Variants in NUP205 observed in about 807,000 individuals in gnomAD.
NUP205 encodes nuclear pore complex protein Nup205.
Under a neutral mutation model 253.8 loss-of-function variants are expected in NUP205, and 76 were observed. That is an observed-to-expected ratio of 0.30 (90% confidence interval 0.25 to 0.36). The LOEUF (loss-of-function observed/expected upper bound fraction) is 0.36, where lower values mean the gene tolerates loss of function less well. NUP205 is among the 10% of genes least tolerant of loss of function. The pLI, the probability that NUP205 is intolerant of heterozygous loss-of-function variation, is 1.00. For missense variants in NUP205, 2,162 were observed against 2,425.5 expected, an observed-to-expected ratio of 0.89 and a Z score of 2.28; for synonymous variants, 832 against 850.1, an observed-to-expected ratio of 0.98 and a Z score of 0.37.
intron 34 of NUP205, among the ~76,000 whole-genome samples, chr7:135,629,527 C>G (rs1224423935): frequency 7.5e-6 from 1 of 132,498 alleles, no homozygotes; most frequent in African/African-American, 2.8e-5. Flanking sequence ...CTCTCTGTCT[C>G]TCTTTTTTTT....
At chr7:135,564,686 C>T (rs2129489506) in intron 1 of NUP205, among the ~76,000 whole-genome samples, 1 of 152,086 alleles carries the variant, frequency 6.6e-6, no homozygotes, top group East Asian at 1.9e-4. Flanking sequence ...TGCGAGCCAC[C>T]TTGCCTGGCC....
At chr7:135,624,278 T>C (rs1165719707) in intron 31 of NUP205, among the ~76,000 whole-genome samples, 1 of 152,054 alleles carries the variant, frequency 6.6e-6, no homozygotes, top group Non-Finnish European at 1.5e-5. Flanking sequence ...CTCGGCTCAC[T>C]GCAACCTCTG....
In NUP205 at chr7:135,638,618, A is replaced by C. The variant is rs780657007; in HGVS notation, c.5327A>C (p.Gln1776Pro). The C allele has an allele frequency of 1.9e-6, 3 of 1,613,878 alleles. No individual in the cohort carries two copies. In the South Asian group the frequency reaches 3.3e-5, roughly 18 times the overall value. The change falls in exon 38 of 43, where the codon CAG becomes CCG. Residue 1776 changes from glutamine to proline, a missense_variant. Gln to Pro is a moderately conservative substitution (Grantham distance 76, BLOSUM62 -1). Around this residue, in one of 5 missense-constraint regions of NUP205, gnomAD observed 1,144 missense variants for 1,280.9 expected, o/e 0.89. Coordinates refer to ENST00000285968, the MANE Select transcript of NUP205 (RefSeq NM_015135.3). ...ATGTTACAGAGTTCCCCTACCTTCC[A>C]GCATGCTGTGTGTCTCTTCACTCCT... ...SLMLQSSPTF[Q>P]HAVCLFTPSL...
chr7:135,606,052 T>G (rs2129490696), intron 19 of NUP205, 93 bp from the exon 20 acceptor site: 1 of 854,454 alleles, frequency 1.2e-6, no homozygotes, highest in South Asian at 1.6e-5. Context: ...CTATTTTTCC[T>G]TATGGATGAA....
At chr7:135,619,956 T>C (rs1238024026) in intron 30 of NUP205, 68 bp downstream of exon 30, 3 of 997,358 alleles carry the variant, frequency 3.0e-6, no homozygotes, top group Non-Finnish European at 4.6e-6. Context: ...AAAAAAAAAA[T>C]CACTTCTCCA....
chr7:135,638,796 G>A lies in NUP205; in HGVS notation c.5392+113G>A, dbSNP rs1794865432. On this transcript the variant is annotated intron_variant, in intron 38 of 42. Coordinates refer to ENST00000285968, the MANE Select transcript of NUP205 (RefSeq NM_015135.3). ...TATTTTCTTTTAAGTGTCATTAATG[G>A]GAAACATTTTAAATAAGTTTTAAAG... The A allele has an allele frequency of 2.8e-6, 3 of 1,067,728 alleles. No homozygotes were observed. In the Admixed American group the frequency reaches 6.1e-5, roughly 22 times the overall value. 66.1% of individuals were successfully genotyped at this position (1,067,728 alleles called of 1,614,324 possible).
intron 34 of NUP205, 28 bp downstream of exon 34, chr7:135,628,139 G>T: frequency 6.3e-7 from 1 of 1,590,090 alleles, no homozygotes; most frequent in Non-Finnish European, 8.6e-7. Context: ...TTTAGATATT[G>T]TCTAGAGCAA....
chr7:135,590,676 G>A (rs1054688008), intron 10 of NUP205, among the ~76,000 whole-genome samples: 19 of 151,978 alleles, frequency 1.3e-4, no homozygotes, highest in Non-Finnish European at 2.2e-4. Flanking sequence ...GGGACTACAG[G>A]TGTGTGCCAC....
chr7:135,626,250 C>T lies in NUP205; in HGVS notation c.4682C>T (p.Thr1561Ile), dbSNP rs1308967613. 4.3e-6 allele frequency: 7 copies of T among 1,613,994 alleles called. No homozygotes were observed. The highest frequency in any genetic ancestry group is 5.9e-6 in the Non-Finnish European group (7 of 1,180,006). Residue 1561 changes from threonine to isoleucine, a missense_variant, in exon 33 of 43, where the codon ACA becomes ATA. Coordinates refer to ENST00000285968, the MANE Select transcript of NUP205 (RefSeq NM_015135.3). The part of the protein sequence containing the change: ...YTYESKMAFL[T>I]RVAKIQQGAL... ...CTTGTAACTCCTCAGGCATTTCTCA[C>T]AAGAGTGGCAAAGATACAGCAGGGT...
intron 41 of NUP205, 27 bp from the exon 42 acceptor site, chr7:135,646,131 G>C: frequency 6.6e-7 from 1 of 1,511,328 alleles, no homozygotes; most frequent in Non-Finnish European, 9.2e-7. Context: ...TTGCACAGCC[G>C]GTATGACTCT....
chr7:135,560,051 G>A (rs891906972), intron 1 of NUP205, among the ~76,000 whole-genome samples: 1 of 152,056 alleles, frequency 6.6e-6, no homozygotes. Flanking sequence ...GTAGAGAAGG[G>A]GTTTCACCAT....
At chr7:135,559,641 G>A (rs1805525662) in intron 1 of NUP205, among the ~76,000 whole-genome samples, 1 of 150,574 alleles carries the variant, frequency 6.6e-6, no homozygotes, top group East Asian at 2.0e-4. Context: ...AAAGTGGTAG[G>A]TTTACAGGTG....
At chr7:135,565,730 C>T (rs529253622) in intron 1 of NUP205, among the ~76,000 whole-genome samples, 73 of 152,328 alleles carry the variant, frequency 4.8e-4, no homozygotes, top group Non-Finnish European at 8.8e-4. Flanking sequence ...TACCTCTTAT[C>T]CTTGTTTCCT....
chr7:135,606,448 ATTTTGGAT>A (rs1231470226), intron 20 of NUP205, among the ~76,000 whole-genome samples: 2 of 152,190 alleles, frequency 1.3e-5, no homozygotes, highest in African/African-American at 4.8e-5. Flanking sequence ...TTCATTTTGG[ATTTTGGAT>A]TTTTGGATTT....
intron 7 of NUP205, among the ~76,000 whole-genome samples, chr7:135,583,815 A>AT (rs1174923986): frequency 1.3e-5 from 2 of 150,554 alleles, no homozygotes. Context: ...TATGTAGTGA[A>AT]TTTTTACTTT....
rs74657825 is a variant in NUP205 at position 135,615,606 on chromosome 7, A to G, written c.3311-310A>G. Among the ~76,000 whole-genome samples the G allele has an allele frequency of 5.6e-3, 853 of 152,296 alleles. 14 individuals are homozygous for G. The highest frequency in any genetic ancestry group is 0.051 in the East Asian group (265 of 5,188). ...AAATTACTTTAAAATATTGTTTTAT[A>G]TATCAGTGTCAAAATACGATAGATT... On this transcript the variant is annotated intron_variant, in intron 23 of 42. Transcript: ENST00000285968.
At chr7:135,588,109 C>T (rs1478120603) in intron 10 of NUP205, 117 bp downstream of exon 10, 1 of 719,162 alleles carries the variant, frequency 1.4e-6, no homozygotes, top group South Asian at 3.8e-5. Flanking sequence ...ACTAGTGTAA[C>T]CTTTAGAGAC....
chr7:135,622,091 C>G (rs1794482017), intron 30 of NUP205, among the ~76,000 whole-genome samples: 1 of 151,564 alleles, frequency 6.6e-6, no homozygotes, highest in Non-Finnish European at 1.5e-5. Flanking sequence ...GTGTGAGCCA[C>G]CACGCCTGGC....
chr7:135,586,283 C>T (rs1262508374), intron 8 of NUP205, among the ~76,000 whole-genome samples: 2 of 151,910 alleles, frequency 1.3e-5, no homozygotes, highest in Admixed American at 1.3e-4. Context: ...TGATTTTTCT[C>T]TTTAATTCCT....
Sources: allele counts gnomAD v4.1 joint callset (sites outside exome capture counted in the v4.1 genomes callset), GRCh38; gene constraint gnomAD v4.1.1; regional missense constraint gnomAD v4.1.1; transcripts MANE v1.5; gene names NCBI Gene and HGNC (gene_info 2026-07-23, HGNC 2026-07-21).